Variants in SORBS2 observed in about 807,000 individuals in gnomAD.
The protein encoded by SORBS2 is sorbin and SH3 domain containing 2.
A neutral mutation model predicts 97.7 loss-of-function variants in SORBS2; 46 were observed. The ratio of observed to expected loss-of-function variants is 0.47; its 90% CI spans 0.37 to 0.60. SORBS2 has a LOEUF of 0.60. SORBS2 is among the 20% of genes least tolerant of loss of function. The probability of loss-of-function intolerance (pLI) is 0.00; values close to 1 mark genes in which losing one functional copy is unlikely to be tolerated. For missense variants in SORBS2, 1,316 were observed against 1,282.3 expected (o/e 1.03, Z -0.40); for synonymous variants, 476 against 473.4 (o/e 1.01, Z -0.07).
intron 2 of SORBS2, among the ~76,000 whole-genome samples, chr4:185,682,949 G>A (rs989547553): frequency 1.3e-5 from 2 of 149,646 alleles, no homozygotes; most frequent in African/African-American, 2.5e-5. Context: ...GGAGGCAGAG[G>A]TTGCAGTGAG....
At chr4:185,603,621 G>C (rs959350667) in intron 12 of SORBS2, among the ~76,000 whole-genome samples, 2 of 152,122 alleles carry the variant, frequency 1.3e-5, no homozygotes, top group Admixed American at 6.5e-5. Flanking sequence ...CTGAATGTGA[G>C]GGTGAGCTAT....
intron 4 of SORBS2, among the ~76,000 whole-genome samples, chr4:185,642,901 T>C (rs901816514): frequency 1.9e-4 from 29 of 152,220 alleles, no homozygotes; most frequent in African/African-American, 7.0e-4. Flanking sequence ...ACTAGAAATA[T>C]ATAGGCTTCA....
exon 7 of SORBS2, chr4:185,624,155 G>T (rs774271021): frequency 6.2e-7 from 1 of 1,614,224 alleles, no homozygotes; most frequent in Non-Finnish European, 8.5e-7. Flanking sequence ...GGACCCCCAC[G>T]CCATGGGGCA....
intron 7 of SORBS2, 30 bp from the exon 20 acceptor site, chr4:185,620,181 G>A: frequency 2.9e-6 from 4 of 1,399,142 alleles, no homozygotes; most frequent in South Asian, 2.3e-5. Flanking sequence ...CAGTCATGGT[G>A]AGTATCCACT....
At chr4:185,720,084 C>G (rs2098500218) in intron 2 of SORBS2, among the ~76,000 whole-genome samples, 1 of 152,170 alleles carries the variant, frequency 6.6e-6, no homozygotes, top group Non-Finnish European at 1.5e-5. Flanking sequence ...GGAGCTGGGG[C>G]AGCCCTCTTG....
At chr4:185,739,717 AT>A (rs1203843524) in intron 2 of SORBS2, among the ~76,000 whole-genome samples, 1 of 152,238 alleles carries the variant, frequency 6.6e-6, no homozygotes, top group African/African-American at 2.4e-5. Context: ...GCACATTGCT[AT>A]GAGGAGATGT....
At chr4:185,666,947 G>T (rs1257346604) in intron 4 of SORBS2, among the ~76,000 whole-genome samples, 2 of 152,150 alleles carry the variant, frequency 1.3e-5, no homozygotes, top group African/African-American at 4.8e-5. Flanking sequence ...CAGCTCCAAG[G>T]CTATATATAG....
At chr4:185,666,992 T>C (rs2097615929) in intron 4 of SORBS2, among the ~76,000 whole-genome samples, 1 of 152,190 alleles carries the variant, frequency 6.6e-6, no homozygotes, top group African/African-American at 2.4e-5. Flanking sequence ...GGATGCTCTG[T>C]AGGAGGAAGA....
intron 2 of SORBS2, among the ~76,000 whole-genome samples, chr4:185,688,505 A>AATAGATAGATAG (rs35533883): frequency 7.9e-4 from 101 of 127,798 alleles, no homozygotes; most frequent in African/African-American, 2.7e-3. Context: ...TAGATAGATA[A>AATAGATAGATAG]ATAGATAGAT....
At chr4:185,624,536 G>T in intron 6 of SORBS2, 42 bp from the exon 19 acceptor site, 1 of 1,545,736 alleles carries the variant, frequency 6.5e-7, no homozygotes, top group South Asian at 1.2e-5. Flanking sequence ...GACATTTGGA[G>T]AAGTTAAAAG....
At chr4:185,831,379 T>C (rs2099205051) in intron 1 of SORBS2, among the ~76,000 whole-genome samples, 1 of 152,244 alleles carries the variant, frequency 6.6e-6, no homozygotes, top group Admixed American at 6.5e-5. Context: ...ATTCTTAGCC[T>C]TGACTTTGGA....
chr4:185,938,389 TACAC>T (rs34337257), intron 1 of SORBS2, among the ~76,000 whole-genome samples: 31,976 of 136,306 alleles, frequency 0.23, 3,996 homozygotes, highest in Non-Finnish European at 0.3. Flanking sequence ...TGTAGACACA[TACAC>T]ACACACACAC....
intron 2 of SORBS2, among the ~76,000 whole-genome samples, chr4:185,752,425 GC>G (rs1459116589): frequency 6.6e-6 from 1 of 152,040 alleles, no homozygotes; most frequent in Non-Finnish European, 1.5e-5. Flanking sequence ...ACAGGCGCCC[GC>G]CACCACACCC....
chr4:185,640,352 C>T (rs1475030285), intron 4 of SORBS2, among the ~76,000 whole-genome samples: 1 of 152,180 alleles, frequency 6.6e-6, no homozygotes, highest in African/African-American at 2.4e-5. Context: ...ACACAAACGA[C>T]TACAATGGTG....
At chr4:185,600,072 AAGTT>A (rs1285679756) in intron 12 of SORBS2, among the ~76,000 whole-genome samples, 1 of 152,158 alleles carries the variant, frequency 6.6e-6, no homozygotes, top group Non-Finnish European at 1.5e-5. Flanking sequence ...AATGTACAAG[AAGTT>A]AGTTAGCTCT....
intron 2 of SORBS2, among the ~76,000 whole-genome samples, chr4:185,762,184 A>G (rs993473139): frequency 6.6e-6 from 1 of 152,188 alleles, no homozygotes; most frequent in South Asian, 2.1e-4. Context: ...ATGAAGAAAA[A>G]TTCGAATGCT....
In SORBS2 at chr4:185,615,327, T is replaced by G. The variant is rs1006618995; in HGVS notation, c.2352-168A>C. On this transcript the variant is annotated intron_variant, in intron 9 of 14. Transcript: ENST00000418609. Reference sequence around the variant, plus strand: ...GAATGATCCTTGCAAATTCTTAGAATGCACTTAAAACATTATAACTTTAGA... The same window carrying G: ...GAATGATCCTTGCAAATTCTTAGAAGGCACTTAAAACATTATAACTTTAGA... 2.5e-5 allele frequency: 15 copies of G among 600,828 alleles called. No individual in the cohort carries two copies. The African/African-American group carries it at 2.8e-4, about 11-fold the overall frequency. The allele number at this position is 600,828 out of a possible 1,614,324, so 37.2% of individuals were successfully genotyped here. A position where few individuals can be genotyped will look rare whatever the true frequency, so the allele number is the denominator to read the frequency against.
chr4:185,924,243 A>C (rs946182700), intron 1 of SORBS2, among the ~76,000 whole-genome samples: 2 of 152,218 alleles, frequency 1.3e-5, no homozygotes, highest in Non-Finnish European at 2.9e-5. Flanking sequence ...CGAGTAGTCC[A>C]CACTGCCAGG....
intron 2 of SORBS2, among the ~76,000 whole-genome samples, chr4:185,760,769 A>G (rs2098879628): frequency 6.6e-6 from 1 of 152,206 alleles, no homozygotes; most frequent in African/African-American, 2.4e-5. Context: ...TTAAAAACAC[A>G]TTTCCTTCTC....
Sources: allele counts gnomAD v4.1 joint callset (sites outside exome capture counted in the v4.1 genomes callset), GRCh38; gene constraint gnomAD v4.1.1; transcripts MANE v1.5; gene names NCBI Gene and HGNC (gene_info 2026-07-23, HGNC 2026-07-21).